Variants in CNTN5 observed in about 807,000 individuals in gnomAD.
CNTN5 encodes the protein contactin-5.
Under a neutral mutation model 129.1 loss-of-function variants are expected in CNTN5, and 77 were observed. The observed-to-expected ratio is 0.60, with a 90% CI of 0.50 to 0.72. The LOEUF is 0.72. Ranked by LOEUF, CNTN5 falls within the 30% of genes least tolerant of loss-of-function variation. The pLI is 0.00. For missense variants in CNTN5, 1,478 were observed against 1,328.8 expected, an observed-to-expected ratio of 1.11 and a Z score of -1.75; for synonymous variants, 509 against 465.6, an observed-to-expected ratio of 1.09 and a Z score of -1.20.
At chr11:99,025,963 C>A (rs1034873163) in intron 1 of CNTN5, among the ~76,000 whole-genome samples, 1 of 151,554 alleles carries the variant, frequency 6.6e-6, no homozygotes. Flanking sequence ...CAGTTACATG[C>A]AAGAACTTAC....
chr11:100,163,370 C>T (rs930095511), intron 13 of CNTN5, among the ~76,000 whole-genome samples: 1 of 151,642 alleles, frequency 6.6e-6, no homozygotes, highest in South Asian at 2.1e-4. Context: ...ACAGAGCATT[C>T]TCACTGTAAT....
intron 6 of CNTN5, among the ~76,000 whole-genome samples, chr11:99,855,516 A>G (rs2135741861): frequency 6.6e-6 from 1 of 152,330 alleles, no homozygotes; most frequent in South Asian, 2.1e-4. Context: ...CATAACAGGA[A>G]TGAAGATGTG....
chr11:99,083,175 T>C (rs1865877189), intron 1 of CNTN5, among the ~76,000 whole-genome samples: 1 of 152,200 alleles, frequency 6.6e-6, no homozygotes, highest in Admixed American at 6.5e-5. Context: ...ATGCATTTAC[T>C]GTGTTACTTC....
chr11:100,074,621 AT>A (rs1248920675), intron 13 of CNTN5, among the ~76,000 whole-genome samples: 1 of 152,146 alleles, frequency 6.6e-6, no homozygotes, highest in African/African-American at 2.4e-5. Flanking sequence ...ATCTGTGATA[AT>A]TTTTAAGCAT....
chr11:99,185,618 C>A (rs1268283997), intron 1 of CNTN5, among the ~76,000 whole-genome samples: 1 of 151,474 alleles, frequency 6.6e-6, no homozygotes, highest in Admixed American at 6.6e-5. Flanking sequence ...TACCCTTTGT[C>A]TACTATATTT....
chr11:99,102,484 C>T (rs1228880756), intron 1 of CNTN5, among the ~76,000 whole-genome samples: 3 of 152,096 alleles, frequency 2.0e-5, no homozygotes, highest in African/African-American at 7.2e-5. Context: ...CCTAAGTAAC[C>T]TCCTGAATGC....
chr11:99,431,446 G>A lies in CNTN5; in HGVS notation c.-71+105962G>A, dbSNP rs116681286. Among the ~76,000 whole-genome samples the A allele has an allele frequency of 3.6e-3, 543 of 152,208 alleles. 8 individuals are homozygous for A. The highest frequency in any genetic ancestry group is 0.012 in the African/African-American group (514 of 41,542). Reference sequence around the variant, plus strand: ...GAAAACTCACTTTTTTAATGGAAATGAGTAAAATTCTAGAAAAGGAATTGT... The same window carrying A: ...GAAAACTCACTTTTTTAATGGAAATAAGTAAAATTCTAGAAAAGGAATTGT... On this transcript the variant is annotated intron_variant, in intron 2 of 24. Coordinates refer to ENST00000524871, the MANE Select transcript of CNTN5 (RefSeq NM_014361.4).
intron 1 of CNTN5, among the ~76,000 whole-genome samples, chr11:99,274,884 A>G (rs1363104286): frequency 6.6e-6 from 1 of 151,614 alleles, no homozygotes; most frequent in Non-Finnish European, 1.5e-5. Flanking sequence ...TGCTGTGTAT[A>G]GTAATTAATA....
At chr11:99,433,330 G>A (rs1183313268) in intron 2 of CNTN5, among the ~76,000 whole-genome samples, 1 of 141,508 alleles carries the variant, frequency 7.1e-6, no homozygotes, top group Non-Finnish European at 1.5e-5. Context: ...AGAAAAAACT[G>A]TAATCATAAT....
chr11:99,269,981 A>G (rs1196064399), intron 1 of CNTN5, among the ~76,000 whole-genome samples: 1 of 151,886 alleles, frequency 6.6e-6, no homozygotes, highest in Non-Finnish European at 1.5e-5. Flanking sequence ...CTTGGTAAAC[A>G]TTTACATGCT....
rs572477715 is a variant in CNTN5, at chr11:100,006,614, C to T, written c.980+4478C>T. Among the ~76,000 whole-genome samples the T allele has an allele frequency of 9.1e-4, 138 of 152,270 alleles. 5 individuals are homozygous for T. The South Asian group carries it at 0.028, about 31-fold the overall frequency. ...TCAGTCACATCTTCCTGTTCCACTT[C>T]TAGTTCTTGTTATCTTGCTGTTTTC... On this transcript the variant is annotated intron_variant, in intron 9 of 24. Coordinates refer to ENST00000524871, the MANE Select transcript of CNTN5 (RefSeq NM_014361.4).
intron 4 of CNTN5, among the ~76,000 whole-genome samples, chr11:99,835,420 A>C (rs1947271839): frequency 6.6e-6 from 1 of 152,156 alleles, no homozygotes; most frequent in African/African-American, 2.4e-5. Flanking sequence ...GAGGTGCCCA[A>C]CTTCTGACCT....
chr11:99,260,868 C>T (rs1431464499), intron 1 of CNTN5, among the ~76,000 whole-genome samples: 2 of 151,888 alleles, frequency 1.3e-5, no homozygotes, highest in Non-Finnish European at 2.9e-5. Context: ...CCTACAAATG[C>T]TATGTATGTA....
rs535449332 is a variant in CNTN5 at position 99,938,726 on chromosome 11, A to T, written c.674-18080A>T. 1.5e-4 allele frequency among the ~76,000 whole-genome samples: 23 copies of T among 152,238 alleles called. No homozygotes were observed. In the South Asian group the frequency reaches 4.6e-3, roughly 30 times the overall value. On this transcript the variant is annotated intron_variant, in intron 7 of 24. Transcript: ENST00000524871. ...GCTTGCTTGCTAGACACCAAGCCGC[A>T]ATCTACATACTTTACTTAAATCATT... is the stretch of plus-strand genomic sequence containing the variant.
intron 1 of CNTN5, among the ~76,000 whole-genome samples, chr11:99,214,632 C>G (rs1482739102): frequency 1.3e-5 from 2 of 151,934 alleles, no homozygotes; most frequent in Non-Finnish European, 2.9e-5. Context: ...ATTTCAGACA[C>G]TTTTGCACTT....
chr11:100,207,156 C>G (rs1948933106), intron 15 of CNTN5, among the ~76,000 whole-genome samples: 1 of 152,018 alleles, frequency 6.6e-6, no homozygotes, highest in African/African-American at 2.4e-5. Context: ...CTTTAAACAA[C>G]TATTTAACAT....
chr11:99,947,841 A>G (rs1359673930), intron 7 of CNTN5, among the ~76,000 whole-genome samples: 3 of 152,216 alleles, frequency 2.0e-5, no homozygotes, highest in African/African-American at 7.2e-5. Flanking sequence ...ATAACATGAA[A>G]TTAAAAGAAG....
chr11:99,619,746 G>C (rs639689), intron 3 of CNTN5, among the ~76,000 whole-genome samples: 68,306 of 151,824 alleles, frequency 0.45, 15,832 homozygotes, highest in Admixed American at 0.59. Context: ...AAACAAAGCT[G>C]TCGGGCGTGG....
chr11:99,373,106 G>A (rs1335753044), intron 2 of CNTN5, among the ~76,000 whole-genome samples: 1 of 152,166 alleles, frequency 6.6e-6, no homozygotes, highest in Non-Finnish European at 1.5e-5. Context: ...CTACTCAGGA[G>A]GGTGAGGCAG....
Sources: gnomAD v4.1 joint callset for allele counts (sites outside exome capture counted in the v4.1 genomes callset) on GRCh38, gnomAD v4.1.1 for gene constraint, MANE v1.5 for transcripts, NCBI Gene and HGNC (gene_info 2026-07-23, HGNC 2026-07-21) for gene names.